AP2B1: variants seen among roughly 807,000 people sequenced by gnomAD.
The protein encoded by AP2B1 is adaptor related protein complex 2 subunit beta 1, also known as AP-2 complex subunit beta.
AP2B1 carries 23 observed loss-of-function variants against 102.0 expected under a neutral mutation model. That is an observed-to-expected ratio of 0.23 (90% CI 0.16 to 0.32). The LOEUF (loss-of-function observed/expected upper bound fraction) is 0.32. Ranked by LOEUF, AP2B1 falls within the 10% of genes least tolerant of loss-of-function variation. AP2B1 has a pLI of 1.00. For synonymous variants in AP2B1, 381 were observed against 421.2 expected, an observed-to-expected ratio of 0.90 and a Z score of 1.17; for missense variants, 541 against 1,157.4, an observed-to-expected ratio of 0.47 and a Z score of 7.73.
At chr17:35,720,742 T>G (rs1458561462) in intron 21 of AP2B1, among the ~76,000 whole-genome samples, 2 of 149,216 alleles carry the variant, frequency 1.3e-5, no homozygotes, top group Non-Finnish European at 3.0e-5. Flanking sequence ...CTGCCCCATA[T>G]TTTTAAATGG....
chr17:35,616,749 C>G (rs1291877093), intron 5 of AP2B1, among the ~76,000 whole-genome samples: 1 of 152,174 alleles, frequency 6.6e-6, no homozygotes, highest in Non-Finnish European at 1.5e-5. Flanking sequence ...TCAGTCTACT[C>G]TGTTTGAAGG....
intron 18 of AP2B1, among the ~76,000 whole-genome samples, chr17:35,685,905 G>A (rs587670036): frequency 6.6e-6 from 1 of 152,128 alleles, no homozygotes; most frequent in East Asian, 1.9e-4. Context: ...GGGATTACAG[G>A]CACCTGCCAC....
chr17:35,686,840 C>T (rs1216637100), intron 18 of AP2B1, among the ~76,000 whole-genome samples: 26 of 152,136 alleles, frequency 1.7e-4, no homozygotes. Context: ...GTGGCAGGTG[C>T]CTGTAGTCCC....
intron 12 of AP2B1, 41 bp from the exon 13 acceptor site, chr17:35,650,489 A>G (rs769929799): frequency 6.2e-7 from 1 of 1,600,506 alleles, no homozygotes; most frequent in South Asian, 1.1e-5. Flanking sequence ...TGTATGGAGA[A>G]CAGTTTCATC....
chr17:35,703,260 A>G (rs1258869569), intron 18 of AP2B1, among the ~76,000 whole-genome samples: 85 of 71,054 alleles, frequency 1.2e-3, no homozygotes, highest in African/African-American at 6.1e-3. Flanking sequence ...GCCAGACTCC[A>G]TCTCAAAAAA....
chr17:35,670,936 GC>G (rs2075574201), intron 15 of AP2B1, 38 bp downstream of exon 15: 3 of 1,609,208 alleles, frequency 1.9e-6, no homozygotes, highest in East Asian at 4.5e-5. Flanking sequence ...GAGAAGCACT[GC>G]CCCCTGTTTG....
At chr17:35,640,059 G>A (rs1161686606) in intron 11 of AP2B1, among the ~76,000 whole-genome samples, 1 of 151,804 alleles carries the variant, frequency 6.6e-6, no homozygotes, top group Non-Finnish European at 1.5e-5. Context: ...TGGGATTATA[G>A]GTGTGCACCA....
At chr17:35,699,743 T>C (rs1239070721) in intron 18 of AP2B1, among the ~76,000 whole-genome samples, 1 of 152,184 alleles carries the variant, frequency 6.6e-6, no homozygotes, top group Admixed American at 6.5e-5. Context: ...AGATAATTCA[T>C]TGGTCAATAG....
At chr17:35,703,773 T>C (rs2076285968) in intron 18 of AP2B1, among the ~76,000 whole-genome samples, 1 of 152,134 alleles carries the variant, frequency 6.6e-6, no homozygotes, top group Non-Finnish European at 1.5e-5. Flanking sequence ...GTACAGCAAA[T>C]CTGATGACAC....
At chr17:35,619,481 T>TAA (rs67575374) in intron 5 of AP2B1, among the ~76,000 whole-genome samples, 117 of 148,926 alleles carry the variant, frequency 7.9e-4, no homozygotes, top group East Asian at 7.3e-3. Context: ...TGTTTCTATT[T>TAA]AAAAAAAAAA....
At chr17:35,625,025 A>G (rs2142554523) in intron 6 of AP2B1, among the ~76,000 whole-genome samples, 1 of 152,326 alleles carries the variant, frequency 6.6e-6, no homozygotes, top group Middle Eastern at 3.4e-3. Context: ...CCTTTCCAGT[A>G]GATATGGAAA....
chr17:35,711,424 A>AAC lies in AP2B1; in HGVS notation c.2626+1118_2626+1119dup, dbSNP rs587678291. ...AGCACAGAAAGCAAAAAAAAAAAAA[A>AAC]ACACACACACACACAAAATAATGCC... On this transcript the variant is annotated intron_variant, in intron 20 of 21. Transcript: ENST00000610402. Among the ~76,000 whole-genome samples, 312 of 151,144 alleles carry AAC rather than the reference A, an allele frequency of 2.1e-3. 3 individuals carry two copies. The highest frequency in any genetic ancestry group is 6.9e-3 in the African/African-American group (285 of 41,208).
At chr17:35,667,348 A>G (rs928380692) in intron 14 of AP2B1, among the ~76,000 whole-genome samples, 1 of 152,250 alleles carries the variant, frequency 6.6e-6, no homozygotes, top group African/African-American at 2.4e-5. Context: ...CTCTCTGAAC[A>G]TAGTACAATT....
At position 35,657,791 on chromosome 17, in the gene AP2B1, G is replaced by C; in HGVS notation, c.1989G>C (p.Leu663=). 6.2e-7 allele frequency: 1 copy of C among 1,607,970 alleles called. No individual in the cohort carries two copies. Among genetic ancestry groups the C allele is most frequent in the Non-Finnish European group, 8.5e-7 (1 of 1,177,160 alleles). Residue 663 remains leucine, a splice_region_variant and synonymous_variant, in exon 14 of 22, where the codon CTG becomes CTC. Transcript: ENST00000610402. ...VDLLGGGLDS[L]LGSDLGGGIG... is the part of the protein sequence containing the mutation. ...TCCTAGGAGGAGGACTAGATAGTCT[G>C]GTAAGCATCTTTCTTCCCTTGTTCT...
At chr17:35,684,353 A>C (rs990999660) in intron 18 of AP2B1, among the ~76,000 whole-genome samples, 1 of 152,252 alleles carries the variant, frequency 6.6e-6, no homozygotes, top group Non-Finnish European at 1.5e-5. Context: ...TCCTCTTTCC[A>C]GTCAAGACAG....
chr17:35,648,766 G>GTGTGTGTA (rs1326088940), intron 12 of AP2B1, among the ~76,000 whole-genome samples: 1 of 147,718 alleles, frequency 6.8e-6, no homozygotes, highest in Non-Finnish European at 1.5e-5. Flanking sequence ...GTGTGTGTGT[G>GTGTGTGTA]TGTGTGTGAC....
At chr17:35,672,214 A>G (rs1330372622) in intron 16 of AP2B1, among the ~76,000 whole-genome samples, 2 of 152,222 alleles carry the variant, frequency 1.3e-5, no homozygotes, top group African/African-American at 4.8e-5. Flanking sequence ...TATGTAGTGC[A>G]GCAGCAGGAG....
chr17:35,691,856 A>G (rs913813928), intron 18 of AP2B1, among the ~76,000 whole-genome samples: 1 of 152,264 alleles, frequency 6.6e-6, no homozygotes, highest in Non-Finnish European at 1.5e-5. Flanking sequence ...AGTTTGACAT[A>G]TTCTTCATGT....
In AP2B1 at chr17:35,717,321, G is replaced by T; in HGVS notation, c.2753G>T (p.Arg918Leu). Residue 918 changes from arginine (R) to leucine (L), a missense_variant, in exon 21 of 22, where the codon CGT becomes CTT. Arg to Leu is a moderately radical substitution (Grantham distance 102, BLOSUM62 -2). This residue lies in a region of AP2B1 where 117 missense variants were observed against 206.7 expected (regional missense o/e 0.57). Coordinates refer to ENST00000610402, the MANE Select transcript of AP2B1 (RefSeq NM_001030006.2). ...TNGIWILAEL[R>L]IQPGNPNYTL... ...GGCATTTGGATTTTGGCCGAACTAC[G>T]TATCCAGCCAGGAAACCCCAATTAC... The T allele has an allele frequency of 6.2e-7, 1 of 1,614,144 alleles. No homozygotes were observed. Among genetic ancestry groups the T allele is most frequent in the Non-Finnish European group, 8.5e-7 (1 of 1,179,992 alleles).
Sources: allele counts gnomAD v4.1 joint callset (sites outside exome capture counted in the v4.1 genomes callset), GRCh38; gene constraint gnomAD v4.1.1; regional missense constraint gnomAD v4.1.1; transcripts MANE v1.5; gene names NCBI Gene and HGNC (gene_info 2026-07-23, HGNC 2026-07-21).